SIPA1L2: variants seen among roughly 807,000 people sequenced by gnomAD.
The protein encoded by SIPA1L2 is signal-induced proliferation-associated 1-like protein 2.
Under a neutral mutation model 163.9 loss-of-function variants are expected in SIPA1L2, and 56 were observed. The observed-to-expected ratio is 0.34, with a 90% CI of 0.28 to 0.43. SIPA1L2 has a LOEUF of 0.43. SIPA1L2 is among the 20% of genes least tolerant of loss of function. The probability of loss-of-function intolerance (pLI) is 1.00; values close to 1 mark genes in which losing one functional copy is unlikely to be tolerated. For synonymous variants in SIPA1L2, 877 were observed against 865.7 expected (o/e 1.01, Z -0.23); for missense variants, 1,974 against 2,193.5 (o/e 0.90, Z 2.00).
intron 18 of SIPA1L2, among the ~76,000 whole-genome samples, chr1:232,418,463 T>C (rs768163826): frequency 3.3e-5 from 5 of 152,220 alleles, no homozygotes; most frequent in Admixed American, 6.5e-5. Flanking sequence ...CATTCATAAT[T>C]TTGCCAAGGC....
intron 1 of SIPA1L2, among the ~76,000 whole-genome samples, chr1:232,615,432 C>G (rs577378200): frequency 6.6e-6 from 1 of 152,294 alleles, no homozygotes; most frequent in East Asian, 1.9e-4. Context: ...TTGCCCCGAC[C>G]CCATCCCAGC....
In SIPA1L2 at chr1:232,627,256, A is replaced by C. The variant is rs113712409; in HGVS notation, c.-319+2613T>G. On this transcript the variant is annotated intron_variant, in intron 1 of 22. Coordinates refer to ENST00000674635, the MANE Select transcript of SIPA1L2 (RefSeq NM_020808.5). ...CAAGGGGCTGTATCCACATAAACAC[A>C]TAGTTCTTTGCAAAGTATGCAGGAA... Among the ~76,000 whole-genome samples the C allele has an allele frequency of 3.9e-5, 6 of 152,354 alleles. No homozygotes were observed. The East Asian group carries it at 1.2e-3, about 29-fold the overall frequency.
rs553226994 is a variant in SIPA1L2, at chr1:232,402,725, T to C, written c.4941-252A>G. On this transcript the variant is annotated intron_variant, in intron 21 of 22. Coordinates refer to ENST00000674635, the MANE Select transcript of SIPA1L2 (RefSeq NM_020808.5). ...TGGTAGGAAAACAAAAGATATATTA[T>C]TTAAGTTGGTTTATCCAATGGAGAC... The C allele has an allele frequency of 1.7e-5, 5 of 286,100 alleles. No individual in the cohort carries two copies. The South Asian group carries it at 2.5e-4, about 14-fold the overall frequency. The allele number at this position is 286,100 out of a possible 1,614,324, so 17.7% of individuals were successfully genotyped here.
chr1:232,538,974 C>T (rs1350242064), intron 2 of SIPA1L2, among the ~76,000 whole-genome samples: 3 of 152,246 alleles, frequency 2.0e-5, no homozygotes, highest in Non-Finnish European at 2.9e-5. Context: ...CAAGTTTTAT[C>T]TACCTTATTT....
intron 3 of SIPA1L2, among the ~76,000 whole-genome samples, chr1:232,512,347 T>C (rs756720281): frequency 2.6e-5 from 4 of 152,204 alleles, no homozygotes; most frequent in Non-Finnish European, 5.9e-5. Context: ...AAATACCATT[T>C]GACCCAGCAA....
intron 16 of SIPA1L2, among the ~76,000 whole-genome samples, chr1:232,429,701 A>T (rs1662112803): frequency 6.6e-6 from 1 of 152,196 alleles, no homozygotes; most frequent in African/African-American, 2.4e-5. Context: ...AATGGGAGCT[A>T]CAAGAAGAAA....
intron 2 of SIPA1L2, among the ~76,000 whole-genome samples, chr1:232,544,279 C>T (rs111463091): frequency 5.3e-5 from 8 of 152,120 alleles, no homozygotes; most frequent in Non-Finnish European, 1.0e-4. Flanking sequence ...AAAGTGCTAG[C>T]GGCCGGGCGC....
intron 10 of SIPA1L2, among the ~76,000 whole-genome samples, chr1:232,450,034 G>A (rs946371818): frequency 1.8e-4 from 28 of 152,238 alleles, no homozygotes; most frequent in Middle Eastern, 3.4e-3. Context: ...AGCGTTAATA[G>A]AGTAGAGTGG....
At chr1:232,611,980 G>C (rs1261330024) in intron 1 of SIPA1L2, among the ~76,000 whole-genome samples, 1 of 152,176 alleles carries the variant, frequency 6.6e-6, no homozygotes, top group Non-Finnish European at 1.5e-5. Context: ...TTCCTGTGCC[G>C]TGTGCAGCTT....
chr1:232,572,365 T>C (rs1044781901), intron 2 of SIPA1L2, among the ~76,000 whole-genome samples: 15 of 152,256 alleles, frequency 9.9e-5, no homozygotes, highest in Admixed American at 6.5e-4. Flanking sequence ...ATGCTGAAAA[T>C]GTTCACTATC....
chr1:232,463,619 G>C (rs1340318667), intron 9 of SIPA1L2, among the ~76,000 whole-genome samples: 1 of 152,160 alleles, frequency 6.6e-6, no homozygotes, highest in Non-Finnish European at 1.5e-5. Context: ...TTTTGTGGTT[G>C]GTGAAGTGGT....
intron 2 of SIPA1L2, among the ~76,000 whole-genome samples, chr1:232,552,158 A>G (rs183254706): frequency 6.6e-6 from 1 of 152,272 alleles, no homozygotes; most frequent in East Asian, 1.9e-4. Context: ...TAAGTTTTTA[A>G]GCCAGAGAGG....
chr1:232,567,951 G>A (rs1277753791), intron 2 of SIPA1L2, among the ~76,000 whole-genome samples: 5 of 152,214 alleles, frequency 3.3e-5, no homozygotes, highest in South Asian at 2.1e-4. Flanking sequence ...AGTCCGAAAC[G>A]CCAGGGTTCC....
intron 15 of SIPA1L2, among the ~76,000 whole-genome samples, chr1:232,438,549 C>T (rs1391871524): frequency 6.6e-6 from 1 of 152,224 alleles, no homozygotes; most frequent in Non-Finnish European, 1.5e-5. Context: ...ACTTACAGTA[C>T]TTAGAATCCA....
At chr1:232,619,826 C>G (rs1394503766) in intron 1 of SIPA1L2, among the ~76,000 whole-genome samples, 2 of 152,198 alleles carry the variant, frequency 1.3e-5, no homozygotes, top group Non-Finnish European at 2.9e-5. Flanking sequence ...ATGGAAGAAC[C>G]CCTTATCCCA....
At chr1:232,595,580 G>A (rs190104980) in intron 1 of SIPA1L2, among the ~76,000 whole-genome samples, 2,854 of 152,100 alleles carry the variant, frequency 0.019, 78 homozygotes, top group African/African-American at 0.064. Context: ...CATTCCACCC[G>A]ACTCAAACTC....
intron 2 of SIPA1L2, among the ~76,000 whole-genome samples, chr1:232,527,642 AAAG>A (rs1018393168): frequency 1.3e-5 from 2 of 152,132 alleles, no homozygotes; most frequent in African/African-American, 4.8e-5. Context: ...AAAAAGGAAA[AAAG>A]AATGACCACT....
intron 1 of SIPA1L2, among the ~76,000 whole-genome samples, chr1:232,627,060 A>C (rs1200725569): frequency 1.3e-5 from 2 of 152,208 alleles, no homozygotes; most frequent in Non-Finnish European, 2.9e-5. Flanking sequence ...AGAAAAAAAA[A>C]AGCAGCTTTT....
intron 2 of SIPA1L2, among the ~76,000 whole-genome samples, chr1:232,564,600 G>A (rs1659293455): frequency 1.3e-5 from 2 of 151,956 alleles, no homozygotes; most frequent in Non-Finnish European, 2.9e-5. Flanking sequence ...TCATAAGAAA[G>A]TACAAAGTTA....
Sources: allele counts gnomAD v4.1 joint callset (sites outside exome capture counted in the v4.1 genomes callset), GRCh38; gene constraint gnomAD v4.1.1; transcripts MANE v1.5; gene names NCBI Gene and HGNC (gene_info 2026-07-23, HGNC 2026-07-21).